The following UBE2D2 variants were observed in gnomAD, a reference collection of about 807,000 sequenced individuals.
UBE2D2 encodes ubiquitin-conjugating enzyme E2 D2.
UBE2D2 carries 2 observed loss-of-function variants against 24.2 expected under a neutral mutation model. The observed-to-expected ratio is 0.08, with a 90% confidence interval of 0.03 to 0.26. The LOEUF is 0.26. UBE2D2 is among the 10% of genes least tolerant of loss of function. The pLI, the probability that UBE2D2 is intolerant of heterozygous loss-of-function variation, is 1.00. For synonymous variants in UBE2D2, 58 were observed against 56.5 expected (o/e 1.03, Z -0.12); for missense variants, 44 against 177.6 (o/e 0.25, Z 4.28).
intron 1 of UBE2D2, among the ~76,000 whole-genome samples, chr5:139,550,635 T>A (rs1752902058): frequency 6.6e-6 from 1 of 152,038 alleles, no homozygotes; most frequent in Admixed American, 6.6e-5. Context: ...GGGTACACAC[T>A]GAGTTTATGA....
intron 1 of UBE2D2, among the ~76,000 whole-genome samples, chr5:139,550,364 G>A (rs1437544456): frequency 6.6e-6 from 1 of 152,128 alleles, no homozygotes; most frequent in Non-Finnish European, 1.5e-5. Context: ...CTAGCTCAGG[G>A]ATTGTAAATG....
chr5:139,587,682 A>C (rs1346153499), intron 1 of UBE2D2, among the ~76,000 whole-genome samples: 1 of 151,250 alleles, frequency 6.6e-6, no homozygotes, highest in Non-Finnish European at 1.5e-5. Flanking sequence ...CAAAAAAAAA[A>C]AAAAAAAAAA....
At chr5:139,546,862 C>CT (rs1752837434) in intron 1 of UBE2D2, among the ~76,000 whole-genome samples, 1 of 142,114 alleles carries the variant, frequency 7.0e-6, no homozygotes, top group Non-Finnish European at 1.6e-5. Flanking sequence ...TCCTTCCTTC[C>CT]TTCCTTCCTT....
At chr5:139,568,582 G>A (rs536668283) in intron 1 of UBE2D2, among the ~76,000 whole-genome samples, 13 of 152,152 alleles carry the variant, frequency 8.5e-5, no homozygotes, top group Admixed American at 1.3e-4. Context: ...GGCGTGAACC[G>A]GGAGGCAGAG....
chr5:139,614,120 C>T (rs1274994342), intron 2 of UBE2D2, among the ~76,000 whole-genome samples: 2 of 151,914 alleles, frequency 1.3e-5, no homozygotes, highest in African/African-American at 4.8e-5. Context: ...ATGATTTACC[C>T]TGTGAGGTAA....
intron 2 of UBE2D2, among the ~76,000 whole-genome samples, chr5:139,609,734 CTTTTT>C (rs1165610141): frequency 6.9e-6 from 1 of 144,638 alleles, no homozygotes; most frequent in Non-Finnish European, 1.5e-5. Flanking sequence ...TTCTTTTTTT[CTTTTT>C]TAAGTTGTTT....
chr5:139,544,490 C>T (rs1274163294), intron 1 of UBE2D2, among the ~76,000 whole-genome samples: 1 of 151,434 alleles, frequency 6.6e-6, no homozygotes, highest in East Asian at 1.9e-4. Flanking sequence ...AGGGTTTCAC[C>T]ATGTTGGCCA....
chr5:139,566,550 C>G (rs777970487), intron 1 of UBE2D2, among the ~76,000 whole-genome samples: 6 of 151,930 alleles, frequency 3.9e-5, no homozygotes, highest in Non-Finnish European at 2.9e-5. Context: ...TGGTGGATGG[C>G]TGTAGTCCCA....
chr5:139,562,650 CTCT>C, intron 1 of UBE2D2, among the ~76,000 whole-genome samples: 1 of 152,224 alleles, frequency 6.6e-6, no homozygotes, highest in South Asian at 2.1e-4. Context: ...TTTACCGAGA[CTCT>C]TAACTGGGAA....
intron 1 of UBE2D2, among the ~76,000 whole-genome samples, chr5:139,590,777 T>C (rs1253694280): frequency 5.0e-5 from 7 of 140,998 alleles, no homozygotes; most frequent in South Asian, 4.5e-4. Flanking sequence ...GTATTTTCTC[T>C]TCTTCTTTTT....
chr5:139,546,978 C>T (rs1488570195), intron 1 of UBE2D2, among the ~76,000 whole-genome samples: 4 of 151,614 alleles, frequency 2.6e-5, no homozygotes, highest in Non-Finnish European at 2.9e-5. Flanking sequence ...ACTGCAACCT[C>T]CTTCTCCCGG....
intron 6 of UBE2D2, among the ~76,000 whole-genome samples, chr5:139,625,908 C>T (rs929996198): frequency 8.0e-5 from 12 of 150,128 alleles, no homozygotes; most frequent in African/African-American, 2.9e-4. Flanking sequence ...CCCGGCCTAG[C>T]ACCCGTTTTT....
intron 1 of UBE2D2, among the ~76,000 whole-genome samples, chr5:139,594,075 C>T (rs1252319827): frequency 6.6e-6 from 1 of 152,218 alleles, no homozygotes; most frequent in African/African-American, 2.4e-5. Context: ...CTCTCAGTTT[C>T]CCATCTTGTT....
rs529739066 is a variant in UBE2D2, at chr5:139,535,466, CA to C, written c.-64+8861del. ...CTCCGTCTCAAAAAAAAACAAAAAA[CA>C]AAAAAACAAAAATCAGCCGGATGCA... On this transcript the variant is annotated intron_variant, in intron 1 of 6. Transcript: ENST00000511725. Among the ~76,000 whole-genome samples the C allele has an allele frequency of 9.6e-4, 139 of 144,556 alleles. 3 individuals carry two copies. The highest frequency in any genetic ancestry group is 9.5e-3 in the Admixed American group (138 of 14,454). 94.8% of individuals were successfully genotyped at this position (144,556 alleles called of 152,430 possible). A position where few individuals can be genotyped will look rare whatever the true frequency, so the allele number is the denominator to read the frequency against.
At chr5:139,577,404 CTTTTTTTTTT>C (rs869189901) in intron 1 of UBE2D2, among the ~76,000 whole-genome samples, 8 of 69,108 alleles carry the variant, frequency 1.2e-4, no homozygotes, top group African/African-American at 1.7e-4. Context: ...TAGCATCTCT[CTTTTTTTTTT>C]TTTTTTTTTT....
intron 2 of UBE2D2, among the ~76,000 whole-genome samples, chr5:139,611,642 A>G (rs1754322787): frequency 6.6e-6 from 1 of 152,214 alleles, no homozygotes; most frequent in Admixed American, 6.5e-5. Context: ...CTTTTATAAT[A>G]AACCAATGAT....
At chr5:139,554,903 A>C (rs1342525338) in intron 1 of UBE2D2, 1 of 151,906 alleles carries the variant, frequency 6.6e-6, no homozygotes, top group African/African-American at 2.4e-5. Context: ...TTTTTTTTTA[A>C]GGCTAGTCAG....
At chr5:139,562,396 GAAA>G in intron 1 of UBE2D2, 1 of 1,182,052 alleles carries the variant, frequency 8.5e-7, no homozygotes, top group Non-Finnish European at 1.1e-6. Context: ...AAGTTCAGAA[GAAA>G]AAAAAAAGGT....
rs982639057 is a variant in UBE2D2 at position 139,561,668 on chromosome 5, C to T, written c.-124C>T. The T allele has an allele frequency of 1.1e-5, 8 of 720,750 alleles. No individual in the cohort carries two copies. Among genetic ancestry groups the T allele is most frequent in the Non-Finnish European group, 1.1e-5 (5 of 475,662 alleles). 44.6% of individuals were successfully genotyped at this position (720,750 alleles called of 1,614,324 possible). On this transcript the variant is annotated 5_prime_UTR_variant, in exon 1 of 7. Coordinates refer to ENST00000398733, the MANE Select transcript of UBE2D2 (RefSeq NM_003339.3). ...AGCCCGTCCCGCCGGACCCGCTTTC[C>T]TCAACTCTCCATCTTCTCCTGCCGA...
Sources: gnomAD v4.1 joint callset for allele counts (sites outside exome capture counted in the v4.1 genomes callset) on GRCh38, gnomAD v4.1.1 for gene constraint, MANE v1.5 for transcripts, NCBI Gene and HGNC (gene_info 2026-07-23, HGNC 2026-07-21) for gene names.